NEO1: variants seen among roughly 807,000 people sequenced by gnomAD.
NEO1 encodes neogenin 1.
In NEO1, 63 loss-of-function variants were observed where a neutral mutation model predicts 159.7. The ratio of observed to expected loss-of-function variants is 0.39; its 90% CI spans 0.32 to 0.49. NEO1 has a LOEUF of 0.49. Among genes scored for constraint, NEO1 ranks in the 20% least tolerant of loss-of-function variants. The pLI, the probability that NEO1 is intolerant of heterozygous loss-of-function variation, is 0.85. For synonymous variants in NEO1, 633 were observed against 662.0 expected, an observed-to-expected ratio of 0.96 and a Z score of 0.67; for missense variants, 1,615 against 1,831.0, an observed-to-expected ratio of 0.88 and a Z score of 2.15.
At chr15:73,166,945 A>T (rs1488657559) in intron 5 of NEO1, among the ~76,000 whole-genome samples, 1 of 152,044 alleles carries the variant, frequency 6.6e-6, no homozygotes, top group South Asian at 2.1e-4. Context: ...CTATGCAGCC[A>T]TAAAAAAGGA....
chr15:73,203,660 T>TAAAA (rs1399454165), intron 7 of NEO1, among the ~76,000 whole-genome samples: 1 of 152,130 alleles, frequency 6.6e-6, no homozygotes, highest in East Asian at 1.9e-4. Flanking sequence ...CCCTCAGTTT[T>TAAAA]ACAGTATACG....
chr15:73,217,121 G>T (rs1460858625), intron 7 of NEO1, among the ~76,000 whole-genome samples: 1 of 151,666 alleles, frequency 6.6e-6, no homozygotes, highest in Non-Finnish European at 1.5e-5. Flanking sequence ...GTGTAAGGAA[G>T]GGATCCAGTT....
rs2041287094 is a variant in NEO1 at position 73,273,847 on chromosome 15, A to C, written c.3002A>C (p.Glu1001Ala). The part of the protein sequence containing the change: ...IIYYSTDVNA[E>A]IHDWVIEPVV... ...TATTACAGTACAGATGTGAATGCAG[A>C]GATACATGACTGGGTTATTGAGCCT... is the stretch of plus-strand genomic sequence containing the variant. The change falls in exon 20 of 29, where the codon GAG becomes GCG. Residue 1001 changes from glutamate (E) to alanine (A), a missense_variant. Coordinates refer to ENST00000261908, the MANE Select transcript of NEO1 (RefSeq NM_002499.4). 6.2e-7 allele frequency: 1 copy of C among 1,614,036 alleles called. No homozygotes were observed. Among genetic ancestry groups the C allele is most frequent in the African/African-American group, 1.3e-5 (1 of 74,932 alleles).
chr15:73,226,206 G>C (rs1232417210), intron 7 of NEO1, among the ~76,000 whole-genome samples: 1 of 152,088 alleles, frequency 6.6e-6, no homozygotes, highest in Non-Finnish European at 1.5e-5. Context: ...CTTCCTGTGG[G>C]TCCTCTCGGG....
At chr15:73,180,669 T>C (rs1208752437) in intron 7 of NEO1, among the ~76,000 whole-genome samples, 1 of 152,216 alleles carries the variant, frequency 6.6e-6, no homozygotes, top group African/African-American at 2.4e-5. Flanking sequence ...GCCAGGAAGT[T>C]CCTAAACTAA....
intron 7 of NEO1, among the ~76,000 whole-genome samples, chr15:73,202,479 T>G (rs1267748924): frequency 6.6e-6 from 1 of 152,172 alleles, no homozygotes; most frequent in Non-Finnish European, 1.5e-5. Context: ...TGTTATCTGC[T>G]TTCAATCCAT....
At chr15:73,176,636 T>A (rs902586195) in intron 6 of NEO1, 79 bp downstream of exon 6, 4 of 1,092,288 alleles carry the variant, frequency 3.7e-6, no homozygotes, top group Non-Finnish European at 5.1e-6. Context: ...AGATCAGTTA[T>A]CTTATATATA....
chr15:73,143,238 C>T (rs532329006), intron 5 of NEO1: 99 of 163,882 alleles, frequency 6.0e-4, no homozygotes, highest in Non-Finnish European at 1.1e-3. Flanking sequence ...CTTGCCATCC[C>T]AGTCTTAGAA....
chr15:73,114,979 G>C (rs898368586), intron 1 of NEO1, among the ~76,000 whole-genome samples: 29 of 152,086 alleles, frequency 1.9e-4, no homozygotes, highest in African/African-American at 7.0e-4. Context: ...AAATTTCTAA[G>C]CTTATTTTCA....
chr15:73,131,333 G>C (rs1040796610), intron 4 of NEO1, among the ~76,000 whole-genome samples: 20 of 152,182 alleles, frequency 1.3e-4, no homozygotes, highest in African/African-American at 4.8e-4. Flanking sequence ...AAATGAAAAA[G>C]TAGAAATCTC....
intron 15 of NEO1, among the ~76,000 whole-genome samples, chr15:73,260,681 C>G (rs2040581799): frequency 6.6e-6 from 1 of 152,108 alleles, no homozygotes; most frequent in South Asian, 2.1e-4. Flanking sequence ...AATATTTCTT[C>G]ATTACATTCA....
intron 4 of NEO1, 145 bp from the exon 5 acceptor site, chr15:73,135,746 A>G: frequency 4.4e-6 from 3 of 676,996 alleles, no homozygotes; most frequent in Non-Finnish European, 6.4e-6. Flanking sequence ...AAATTCTGGT[A>G]ATTTTATATT....
chr15:73,056,883 G>C (rs2067730445), intron 1 of NEO1, among the ~76,000 whole-genome samples: 1 of 152,140 alleles, frequency 6.6e-6, no homozygotes, highest in Non-Finnish European at 1.5e-5. Context: ...TGCTCTGCCT[G>C]TCTGTTAGAA....
chr15:73,091,097 A>G (rs923940998), intron 1 of NEO1, among the ~76,000 whole-genome samples: 4 of 152,202 alleles, frequency 2.6e-5, no homozygotes, highest in Non-Finnish European at 5.9e-5. Context: ...CTTATCCACT[A>G]CTATTACTAC....
At chr15:73,251,263 C>A (rs962003670) in intron 11 of NEO1, among the ~76,000 whole-genome samples, 7 of 152,052 alleles carry the variant, frequency 4.6e-5, no homozygotes, top group Non-Finnish European at 8.8e-5. Context: ...GTAATCCCAG[C>A]ACTTTGGGAG....
intron 1 of NEO1, among the ~76,000 whole-genome samples, chr15:73,053,215 AGGGGAGG>A (rs2067544936): frequency 6.6e-6 from 1 of 152,134 alleles, no homozygotes; most frequent in Non-Finnish European, 1.5e-5. Flanking sequence ...AGGAAAGGAA[AGGGGAGG>A]GGGCTTGAGC....
chr15:73,233,925 A>T (rs2039043707), intron 7 of NEO1, among the ~76,000 whole-genome samples: 2 of 152,114 alleles, frequency 1.3e-5, no homozygotes, highest in Admixed American at 1.3e-4. Context: ...ATTATTCCTA[A>T]TTTACAGATA....
At chr15:73,219,134 G>A (rs938816318) in intron 7 of NEO1, among the ~76,000 whole-genome samples, 93 of 151,182 alleles carry the variant, frequency 6.2e-4, no homozygotes, top group African/African-American at 2.1e-3. Flanking sequence ...CTTTGTTCTC[G>A]TTGGTTTCAA....
intron 9 of NEO1, among the ~76,000 whole-genome samples, chr15:73,244,977 AAAAAAAC>A (rs1567586903): frequency 8.9e-6 from 1 of 111,960 alleles, no homozygotes; most frequent in African/African-American, 2.8e-5. Context: ...AAAAAAAAAA[AAAAAAAC>A]AACAGCAAAT....
Sources: gnomAD v4.1 joint callset for allele counts (sites outside exome capture counted in the v4.1 genomes callset) on GRCh38, gnomAD v4.1.1 for gene constraint, MANE v1.5 for transcripts, NCBI Gene and HGNC (gene_info 2026-07-23, HGNC 2026-07-21) for gene names.